Variants in KCNQ1 observed in about 807,000 individuals in gnomAD.
KCNQ1 encodes the protein potassium voltage-gated channel subfamily Q member 1.
Under a neutral mutation model 72.4 loss-of-function variants are expected in KCNQ1, and 49 were observed. The observed-to-expected ratio is 0.68, with a 90% confidence interval of 0.54 to 0.86. The LOEUF (loss-of-function observed/expected upper bound fraction) is 0.86. KCNQ1 is among the 40% of genes least tolerant of loss of function. The pLI is 0.00. For missense variants in KCNQ1, 790 were observed against 945.1 expected, an observed-to-expected ratio of 0.84 and a Z score of 2.15; for synonymous variants, 450 against 412.6, an observed-to-expected ratio of 1.09 and a Z score of -1.10.
rs1850191639 is a variant in KCNQ1 at position 2,671,991 on chromosome 11, C to T, written c.1514+9910C>T. The stretch of plus-strand genomic sequence containing the variant: ...AAAAGTCAGCTAGCACCCCTGACTT[C>T]AAGTCCTCGAGTGTATGTTGGGCTT... On this transcript the variant is annotated intron_variant, in intron 11 of 15. Coordinates refer to ENST00000155840, the MANE Select transcript of KCNQ1 (RefSeq NM_000218.3). This position sits in a 1 kb window ranked among gnomAD's most constrained non-coding sequence, Gnocchi z 4.7. 2.5e-6 allele frequency: 1 copy of T among 398,522 alleles called. No homozygotes were observed. The highest frequency in any genetic ancestry group is 4.4e-6 in the Non-Finnish European group (1 of 226,102). 24.7% of individuals were successfully genotyped at this position (398,522 alleles called of 1,614,324 possible). A position where few individuals can be genotyped will look rare whatever the true frequency, so the allele number is the denominator to read the frequency against.
Position 2,704,012 on chromosome 11 carries a change from G to GC in KCNQ1, c.1514+41931_1514+41932insC, listed in dbSNP as rs1257779855. On this transcript the variant is annotated intron_variant, in intron 11 of 15. Transcript: ENST00000155840. This position sits in a 1 kb window ranked among gnomAD's most constrained non-coding sequence, Gnocchi z 4.3. ...TGGTTAGGACCTCAGGGTTATCCCT[G>GC]AGTGGCTGATGCATTGCCAGGAAGC... 6.6e-6 allele frequency among the ~76,000 whole-genome samples: 1 copy of GC among 152,256 alleles called. No individual in the cohort carries two copies. The highest frequency in any genetic ancestry group is 6.5e-5 in the Admixed American group (1 of 15,292).
At chr11:2,786,075 A>C (rs1298900199) in intron 15 of KCNQ1, among the ~76,000 whole-genome samples, 1 of 152,032 alleles carries the variant, frequency 6.6e-6, no homozygotes, top group East Asian at 1.9e-4. Flanking sequence ...TTTATCTCAG[A>C]TCTTACATCT....
rs116610991 is a variant in KCNQ1 at position 2,483,745 on chromosome 11, G to C, written c.386+38261G>C. On this transcript the variant is annotated intron_variant, in intron 1 of 15. Transcript: ENST00000155840. This position sits in a 1 kb window ranked among gnomAD's most constrained non-coding sequence, Gnocchi z 6.1. ...CCCGAGGAGTCCCTGTGGCAGGGCTGTGTGAGGTCAGCATGTCTTAGGGCG... is the reference window on the plus strand; with the variant it reads ...CCCGAGGAGTCCCTGTGGCAGGGCTCTGTGAGGTCAGCATGTCTTAGGGCG... Among the ~76,000 whole-genome samples, 1 of 152,212 alleles carries C rather than the reference G, an allele frequency of 6.6e-6. No individual in the cohort carries two copies. The highest frequency in any genetic ancestry group is 1.5e-5 in the Non-Finnish European group (1 of 68,030).
chr11:2,570,673 C>T lies in KCNQ1; in HGVS notation c.523C>T (p.Leu175Phe), dbSNP rs1131692322. ...VFFGTEYVVR[L>F]WSAGCRSKYV... The stretch of plus-strand genomic sequence containing the variant: ...CTTCGGGACGGAGTACGTGGTCCGC[C>T]TCTGGTCCGCCGGCTGCCGCAGCAA... The change falls in exon 3 of 16, where the codon CTC becomes TTC. Residue 175 changes from leucine (L) to phenylalanine (F), a missense_variant. Physicochemically the swap from Leu to Phe is conservative, Grantham distance 22. This residue lies in a region of KCNQ1 where 294 missense variants were observed against 323.3 expected (regional missense o/e 0.91). Transcript: ENST00000155840. 1 of 1,612,618 alleles carries T rather than the reference C, an allele frequency of 6.2e-7. No homozygotes were observed. The highest frequency in any genetic ancestry group is 1.1e-5 in the South Asian group (1 of 91,086).
intron 2 of KCNQ1, among the ~76,000 whole-genome samples, chr11:2,531,710 C>T (rs573760872): frequency 6.6e-6 from 1 of 152,302 alleles, no homozygotes; most frequent in East Asian, 1.9e-4. Flanking sequence ...CTGCTGTAGT[C>T]CCCCTTGCAG....
At position 2,723,989 on chromosome 11, in the gene KCNQ1, A is replaced by G. The variant is rs1390755636; in HGVS notation, c.1515-44855A>G. Among the ~76,000 whole-genome samples the G allele has an allele frequency of 1.3e-5, 2 of 152,056 alleles. No homozygotes were observed. Among genetic ancestry groups the G allele is most frequent in the Non-Finnish European group, 2.9e-5 (2 of 68,008 alleles). ...TACTCTTTTCACCGGGGGAGCAGAAATCAGAACATGGCTCTCTGTGTCTGA... is the reference window on the plus strand; with the variant it reads ...TACTCTTTTCACCGGGGGAGCAGAAGTCAGAACATGGCTCTCTGTGTCTGA... On this transcript the variant is annotated intron_variant, in intron 11 of 15. Coordinates refer to ENST00000155840, the MANE Select transcript of KCNQ1 (RefSeq NM_000218.3). The surrounding 1 kb of genome is among the most constrained non-coding windows in gnomAD (Gnocchi z 4.2).
intron 2 of KCNQ1, among the ~76,000 whole-genome samples, chr11:2,532,968 C>T (rs576306859): frequency 6.6e-6 from 1 of 152,294 alleles, no homozygotes; most frequent in African/African-American, 2.4e-5. Context: ...AGAGGGCGCT[C>T]GTGCTACATG....
chr11:2,540,094 C>A (rs754739621), intron 2 of KCNQ1, among the ~76,000 whole-genome samples: 1 of 152,082 alleles, frequency 6.6e-6, no homozygotes, highest in East Asian at 1.9e-4. Context: ...TAGGATCCAC[C>A]CTGTGGGGCC....
chr11:2,830,037 G>GAGGAGGAAGGAGGAGGA lies in KCNQ1; in HGVS notation c.1795-17714_1795-17713insAAGGAGGAAGGAGGAGG. On this transcript the variant is annotated intron_variant, in intron 15 of 15. Coordinates refer to ENST00000155840, the MANE Select transcript of KCNQ1 (RefSeq NM_000218.3). This position sits in a 1 kb window ranked among gnomAD's most constrained non-coding sequence, Gnocchi z 7.7. ...GGAGGAAGGAGGAGGAAGGAGGAGG[G>GAGGAGGAAGGAGGAGGA]AGGAGGAAGGAGGAGGGAGGAGGGA... Among the ~76,000 whole-genome samples the GAGGAGGAAGGAGGAGGA allele has an allele frequency of 6.7e-6, 1 of 149,046 alleles. No homozygotes were observed. Among genetic ancestry groups the GAGGAGGAAGGAGGAGGA allele is most frequent in the African/African-American group, 2.5e-5 (1 of 40,680 alleles).
intron 11 of KCNQ1, among the ~76,000 whole-genome samples, chr11:2,733,832 T>TCTCC (rs1845901814): frequency 3.0e-5 from 1 of 33,856 alleles, no homozygotes; most frequent in Non-Finnish European, 6.1e-5. Context: ...ACTCTCTCTC[T>TCTCC]CTCTCTCTCT....
At chr11:2,532,212 C>A (rs981645420) in intron 2 of KCNQ1, among the ~76,000 whole-genome samples, 1 of 152,186 alleles carries the variant, frequency 6.6e-6, no homozygotes, top group Admixed American at 6.5e-5. Context: ...GGCCATTCCA[C>A]ACTCCCTGAG....
chr11:2,662,039 T>C lies in KCNQ1; in HGVS notation c.1472T>C (p.Leu491Pro). 6.2e-7 allele frequency: 1 copy of C among 1,614,200 alleles called. No individual in the cohort carries two copies. Among genetic ancestry groups the C allele is most frequent in the Non-Finnish European group, 8.5e-7 (1 of 1,180,032 alleles). ...AACAGCTTCGCCGAGGACCTGGACC[T>C]GGAAGGGGAGACTCTGCTGACACCC... The part of the protein sequence containing the change: ...RTNSFAEDLD[L>P]EGETLLTPIT... Residue 491 changes from leucine to proline, a missense_variant, in exon 11 of 16, where the codon CTG becomes CCG. Leu to Pro is a moderately conservative substitution (Grantham distance 98). Transcript: ENST00000155840.
At chr11:2,660,247 T>A in intron 10 of KCNQ1, 1 of 398,398 alleles carries the variant, frequency 2.5e-6, no homozygotes, top group Non-Finnish European at 4.4e-6. Context: ...TAATTGTTGA[T>A]CATCTGTCCT....
In KCNQ1 at chr11:2,654,468, A is replaced by C. The variant is rs1001491577; in HGVS notation, c.1394-7493A>C. The C allele has an allele frequency of 2.5e-6, 1 of 398,512 alleles. No individual in the cohort carries two copies. Among genetic ancestry groups the C allele is most frequent in the Admixed American group, 4.4e-5 (1 of 22,706 alleles). 24.7% of individuals were successfully genotyped at this position (398,512 alleles called of 1,614,324 possible). A position where few individuals can be genotyped will look rare whatever the true frequency, so the allele number is the denominator to read the frequency against. On this transcript the variant is annotated intron_variant, in intron 10 of 15. Transcript: ENST00000155840. This position sits in a 1 kb window ranked among gnomAD's most constrained non-coding sequence, Gnocchi z 6.4. ...CCCGTGCTGAGCGCCAGGCACACAT[A>C]AGCCCTGCAGCCGTACAGGGGAGGG...
chr11:2,538,671 G>A lies in KCNQ1; in HGVS notation c.477+10653G>A, dbSNP rs1847774836. ...GAACCGGAAACTTCCCTGAGTATAC[G>A]GGGCCTTGTGTGTGGAGGGGCCCTA... On this transcript the variant is annotated intron_variant, in intron 2 of 15. Coordinates refer to ENST00000155840, the MANE Select transcript of KCNQ1 (RefSeq NM_000218.3). The surrounding 1 kb of genome is among the most constrained non-coding windows in gnomAD (Gnocchi z 6.7). 6.6e-6 allele frequency among the ~76,000 whole-genome samples: 1 copy of A among 151,654 alleles called. No individual in the cohort carries two copies. Among genetic ancestry groups the A allele is most frequent in the African/African-American group, 2.4e-5 (1 of 41,202 alleles).
In KCNQ1 at chr11:2,658,075, G is replaced by T; in HGVS notation, c.1394-3886G>T. The T allele has an allele frequency of 2.5e-6, 1 of 398,536 alleles. No individual in the cohort carries two copies. The highest frequency in any genetic ancestry group is 4.4e-6 in the Non-Finnish European group (1 of 226,046). The allele number at this position is 398,536 out of a possible 1,614,324, so 24.7% of individuals were successfully genotyped here. A position where few individuals can be genotyped will look rare whatever the true frequency, so the allele number is the denominator to read the frequency against. ...ATAGCCCACACTCAAGGTGGGGAAG[G>T]GAGGGGTTCAACTCTACCTCCTGCA... On this transcript the variant is annotated intron_variant, in intron 10 of 15. Coordinates refer to ENST00000155840, the MANE Select transcript of KCNQ1 (RefSeq NM_000218.3). The surrounding 1 kb of genome is among the most constrained non-coding windows in gnomAD (Gnocchi z 4.9).
intron 10 of KCNQ1, among the ~76,000 whole-genome samples, chr11:2,597,546 CAG>C (rs1188755183): frequency 6.6e-6 from 1 of 152,218 alleles, no homozygotes; most frequent in African/African-American, 2.4e-5. Context: ...CTAGAAATAA[CAG>C]TACATCTTTC....
intron 15 of KCNQ1, among the ~76,000 whole-genome samples, chr11:2,788,980 G>A (rs1307524901): frequency 6.6e-6 from 1 of 152,138 alleles, no homozygotes; most frequent in Non-Finnish European, 1.5e-5. Context: ...GGAGCCTGAG[G>A]TGGGAGGTCT....
At chr11:2,790,088 A>G (rs1846991010) in intron 15 of KCNQ1, among the ~76,000 whole-genome samples, 1 of 152,070 alleles carries the variant, frequency 6.6e-6, no homozygotes, top group Admixed American at 6.5e-5. Context: ...TGACCCCCAG[A>G]TCATATCCCA....
Sources: allele counts gnomAD v4.1 joint callset (sites outside exome capture counted in the v4.1 genomes callset), GRCh38; gene constraint gnomAD v4.1.1; regional missense constraint gnomAD v4.1.1; non-coding constraint Gnocchi (gnomAD v3.1); transcripts MANE v1.5; gene names NCBI Gene and HGNC (gene_info 2026-07-23, HGNC 2026-07-21).